Variants in CKAP2 observed in about 807,000 individuals in gnomAD.
CKAP2 encodes the protein cytoskeleton-associated protein 2.
CKAP2 carries 46 observed loss-of-function variants against 58.4 expected under a neutral mutation model. The ratio of observed to expected loss-of-function variants is 0.79; its 90% CI spans 0.62 to 1.01. The LOEUF (loss-of-function observed/expected upper bound fraction) is 1.01, where lower values mean the gene tolerates loss of function less well. CKAP2 is among the 50% of genes least tolerant of loss of function. The pLI is 0.00. For missense variants in CKAP2, 809 were observed against 796.4 expected (o/e 1.02, Z -0.19); for synonymous variants, 293 against 280.9 (o/e 1.04, Z -0.43).
intron 5 of CKAP2, among the ~76,000 whole-genome samples, chr13:52,463,233 C>A (rs113802236): frequency 6.6e-6 from 1 of 152,088 alleles, no homozygotes; most frequent in African/African-American, 2.4e-5. Context: ...CCACTGCGCT[C>A]GGCCTCATTC....
rs777721907 is a variant in CKAP2 at position 52,460,971 on chromosome 13, A to C, written c.228A>C (p.Lys76Asn). 1 of 1,613,658 alleles carries C rather than the reference A, an allele frequency of 6.2e-7. No homozygotes were observed. The change falls in exon 3 of 9, where the codon AAA becomes AAC. Residue 76 changes from lysine to asparagine, a missense_variant. Lys to Asn is a moderately conservative substitution (Grantham distance 94, BLOSUM62 0). Around this residue, in one of 3 missense-constraint regions of CKAP2, gnomAD observed 523 missense variants for 492.4 expected, o/e 1.06. Coordinates refer to ENST00000258607, the MANE Select transcript of CKAP2 (RefSeq NM_018204.5). The part of the protein sequence containing the change: ...EGTKVLKLKT[K>N]MADKENMKRP... The stretch of plus-strand genomic sequence containing the variant: ...CTAAAGTGCTGAAACTTAAAACAAA[A>C]ATGGTAAGATGTGGACATAGCACTC...
intron 7 of CKAP2, among the ~76,000 whole-genome samples, chr13:52,469,757 C>G (rs1239664103): frequency 6.6e-6 from 1 of 150,512 alleles, no homozygotes; most frequent in Non-Finnish European, 1.5e-5. Context: ...CCACCGCGCC[C>G]GGCTAATTTT....
rs770694033 is a variant in CKAP2, at chr13:52,460,860, A to G, written c.156-39A>G. On this transcript the variant is annotated intron_variant, in intron 2 of 8. Transcript: ENST00000258607. The stretch of plus-strand genomic sequence containing the variant: ...CCCCAAAAGGAAGCCTCCTTGGTAC[A>G]GGATTGATTGATCATTTTGTTTGTT... The G allele has an allele frequency of 1.3e-5, 20 of 1,575,580 alleles. No individual in the cohort carries two copies. The East Asian group carries it at 4.5e-4, about 36-fold the overall frequency.
Position 52,461,696 on chromosome 13 carries a change from A to G in CKAP2, c.870A>G (p.Leu290=). The G allele has an allele frequency of 6.2e-7, 1 of 1,613,996 alleles. No homozygotes were observed. ...IRKGPHEKEL[L]QSKTALSSVK... ...AAGGGCCTCATGAAAAAGAACTATT[A>G]CAATCAAAAACAGCTTTATCTAGTG... The change falls in exon 4 of 9, where the codon TTA becomes TTG. Residue 290 remains leucine, a synonymous_variant. Coordinates refer to ENST00000258607, the MANE Select transcript of CKAP2 (RefSeq NM_018204.5).
rs780921272 is a variant in CKAP2 at position 52,474,934 on chromosome 13, A to G, written c.1842A>G (p.Ala614=). The change falls in exon 9 of 9, where the codon GCA becomes GCG. Residue 614 remains alanine, a synonymous_variant. Coordinates refer to ENST00000258607, the MANE Select transcript of CKAP2 (RefSeq NM_018204.5). The part of the protein sequence containing the change: ...KKVQFDGTNS[A]FKELKFLTPV... ...TGCAGTTTGATGGAACAAATTCCGC[A>G]TTTAAAGAGCTGAAGTTTTTAACAC... The G allele has an allele frequency of 4.2e-5, 68 of 1,612,228 alleles. No homozygotes were observed. The highest frequency in any genetic ancestry group is 5.6e-5 in the Non-Finnish European group (66 of 1,178,442).
intron 1 of CKAP2, 74 bp from the exon 2 acceptor site, chr13:52,456,449 A>T: frequency 2.6e-6 from 3 of 1,169,728 alleles, no homozygotes; most frequent in Non-Finnish European, 3.8e-6. Flanking sequence ...CTCTTCATTT[A>T]GTCAACAAGA....
intron 4 of CKAP2, 129 bp downstream of exon 4, chr13:52,462,055 T>C (rs1174851773): frequency 1.1e-6 from 1 of 885,544 alleles, no homozygotes; most frequent in African/African-American, 1.7e-5. Flanking sequence ...TGCAGGCAAA[T>C]TTATATTGTG....
chr13:52,456,393 C>G (rs1476053131), intron 1 of CKAP2, 130 bp from the exon 2 acceptor site: 5 of 774,848 alleles, frequency 6.5e-6, no homozygotes, highest in African/African-American at 3.5e-5. Flanking sequence ...GGAGAATTTT[C>G]TGTTATATAG....
chr13:52,457,340 C>T (rs1191247361), intron 2 of CKAP2, among the ~76,000 whole-genome samples: 1 of 152,174 alleles, frequency 6.6e-6, no homozygotes, highest in Non-Finnish European at 1.5e-5. Flanking sequence ...AAGCTTTTTA[C>T]TCAGTGTATG....
At chr13:52,466,526 C>T (rs974346473) in intron 6 of CKAP2, among the ~76,000 whole-genome samples, 1 of 152,106 alleles carries the variant, frequency 6.6e-6, no homozygotes, top group African/African-American at 2.4e-5. Flanking sequence ...GTGTTAGGCC[C>T]CTACTACATT....
chr13:52,456,127 T>G (rs1179115075), intron 1 of CKAP2: 1 of 1,022,182 alleles, frequency 9.8e-7, no homozygotes, highest in African/African-American at 1.7e-5. Flanking sequence ...GTTATTCCCT[T>G]ATTCTACACA....
chr13:52,463,549 C>T (rs1391504455), intron 5 of CKAP2, among the ~76,000 whole-genome samples: 4 of 152,162 alleles, frequency 2.6e-5, no homozygotes, highest in African/African-American at 7.2e-5. Context: ...ATCATCAGAA[C>T]GCCTGTATCA....
Position 52,461,903 on chromosome 13 carries a change from C to T in CKAP2, c.1077C>T (p.Pro359=). ...TTGTTGATAGTAGATCAGCTCAGCC[C>T]AAAGAAACCTCGGAAGAGAGAAAGT... The part of the protein sequence containing the change: ...KAIVDSRSAQ[P]KETSEERKAR... Residue 359 remains proline, a synonymous_variant, in exon 4 of 9, where the codon CCC becomes CCT. Transcript: ENST00000258607. 6.2e-7 allele frequency: 1 copy of T among 1,601,652 alleles called. No homozygotes were observed. Among genetic ancestry groups the T allele is most frequent in the East Asian group, 2.2e-5 (1 of 44,826 alleles).
chr13:52,473,353 T>G (rs1594145232), intron 7 of CKAP2, among the ~76,000 whole-genome samples: 1 of 152,348 alleles, frequency 6.6e-6, no homozygotes, highest in East Asian at 1.9e-4. Flanking sequence ...AGCTCTTGTT[T>G]ACCTATCTAA....
At chr13:52,459,039 A>G (rs1420160979) in intron 2 of CKAP2, among the ~76,000 whole-genome samples, 5 of 152,086 alleles carry the variant, frequency 3.3e-5, no homozygotes, top group African/African-American at 1.2e-4. Flanking sequence ...CAGTTTTATA[A>G]TAAGACAGAA....
intron 7 of CKAP2, among the ~76,000 whole-genome samples, chr13:52,470,154 G>GCGCC (rs1251086295): frequency 2.1e-4 from 31 of 149,008 alleles, no homozygotes; most frequent in African/African-American, 7.4e-4. Context: ...TGCCCAGGCT[G>GCGCC]GAGTTCAGTG....
In CKAP2 at chr13:52,455,896, C is replaced by T. The variant is rs1037764942; in HGVS notation, c.70+270C>T. On this transcript the variant is annotated intron_variant, in intron 1 of 8. Coordinates refer to ENST00000258607, the MANE Select transcript of CKAP2 (RefSeq NM_018204.5). ...AATCCGTTAGGCGAGGGGAAACGCG[C>T]GGGCCTCAGGCCGGGGTCGGTGTCG... is the stretch of plus-strand genomic sequence containing the variant. 42 of 1,090,632 alleles carry T rather than the reference C, an allele frequency of 3.9e-5. No individual in the cohort carries two copies. In the South Asian group the frequency reaches 1.2e-3, roughly 31 times the overall value. 67.6% of individuals were successfully genotyped at this position (1,090,632 alleles called of 1,614,324 possible).
chr13:52,468,147 G>A, intron 6 of CKAP2, 131 bp from the exon 7 acceptor site: 1 of 587,336 alleles, frequency 1.7e-6, no homozygotes, highest in East Asian at 2.9e-5. Context: ...TAAGTGGTCT[G>A]AGAAGCATGG....
intron 6 of CKAP2, chr13:52,465,974 T>C (rs948974436): frequency 3.0e-5 from 7 of 237,232 alleles, no homozygotes; most frequent in South Asian, 5.0e-5. Flanking sequence ...TATACACACA[T>C]ATATGCACAC....
Sources: gnomAD v4.1 joint callset for allele counts (sites outside exome capture counted in the v4.1 genomes callset) on GRCh38, gnomAD v4.1.1 for gene constraint, gnomAD v4.1.1 regional missense constraint, MANE v1.5 for transcripts, NCBI Gene and HGNC (gene_info 2026-07-23, HGNC 2026-07-21) for gene names.